The following FNDC3B variants were observed in gnomAD, a reference collection of about 807,000 sequenced individuals.
FNDC3B encodes the protein fibronectin type III domain containing 3B, also known as fibronectin type III domain-containing protein 3B.
In FNDC3B, 12 loss-of-function variants were observed where a neutral mutation model predicts 151.5. The ratio of observed to expected loss-of-function variants is 0.08; its 90% CI spans 0.05 to 0.13. The LOEUF is 0.13. Ranked by LOEUF, FNDC3B falls within the 10% of genes least tolerant of loss-of-function variation. FNDC3B has a pLI of 1.00. For synonymous variants in FNDC3B, 528 were observed against 549.0 expected, an observed-to-expected ratio of 0.96 and a Z score of 0.54; for missense variants, 1,214 against 1,505.3, an observed-to-expected ratio of 0.81 and a Z score of 3.20.
chr3:172,232,696 A>C (rs1241870440), intron 4 of FNDC3B, among the ~76,000 whole-genome samples: 27 of 152,204 alleles, frequency 1.8e-4, no homozygotes. Flanking sequence ...TAATCTTATC[A>C]CAGTCATCAT....
rs542795342 is a variant in FNDC3B at position 172,103,427 on chromosome 3, T to G, written c.-28-9025T>G. 3.4e-3 allele frequency among the ~76,000 whole-genome samples: 522 copies of G among 152,214 alleles called. 5 individuals are homozygous for G. Among genetic ancestry groups the G allele is most frequent in the African/African-American group, 0.012 (498 of 41,536 alleles). ...ACTCATAATCCTTATATATATGGATTTTTCTCCCCGAGAAAATAGTGCTTT... is the reference window on the plus strand; with the variant it reads ...ACTCATAATCCTTATATATATGGATGTTTCTCCCCGAGAAAATAGTGCTTT... On this transcript the variant is annotated intron_variant, in intron 1 of 25. Coordinates refer to ENST00000415807, the MANE Select transcript of FNDC3B (RefSeq NM_022763.4).
chr3:172,067,087 G>C (rs1445990549), intron 1 of FNDC3B, among the ~76,000 whole-genome samples: 2 of 152,158 alleles, frequency 1.3e-5, no homozygotes, highest in African/African-American at 4.8e-5. Flanking sequence ...CTCCTGTGCA[G>C]ATATAAGACT....
In FNDC3B at chr3:172,206,659, C is replaced by CA. The variant is rs57377409; in HGVS notation, c.188-20184dup. Among the ~76,000 whole-genome samples, 96 of 54,510 alleles carry CA rather than the reference C, an allele frequency of 1.8e-3. 1 individual carries two copies. Among genetic ancestry groups the CA allele is most frequent in the East Asian group, 6.4e-3 (10 of 1,568 alleles). The allele number at this position is 54,510 out of a possible 152,430, so 35.8% of individuals were successfully genotyped here. A position where few individuals can be genotyped will look rare whatever the true frequency, so the allele number is the denominator to read the frequency against. ...GGGCAACAAGAGCGAAACTCCATCTCAAAAAAAAAAAAAAAAAAAAAAAAA... is the reference window on the plus strand; with the variant it reads ...GGGCAACAAGAGCGAAACTCCATCTCAAAAAAAAAAAAAAAAAAAAAAAAAA... On this transcript the variant is annotated intron_variant, in intron 3 of 25. Coordinates refer to ENST00000415807, the MANE Select transcript of FNDC3B (RefSeq NM_022763.4).
chr3:172,330,328 C>G, intron 12 of FNDC3B: 1 of 469,212 alleles, frequency 2.1e-6, no homozygotes, highest in East Asian at 3.5e-5. Flanking sequence ...TGTCCTGTGA[C>G]TTGGTGTGTG....
intron 16 of FNDC3B, chr3:172,338,114 G>A (rs1291491052): frequency 6.6e-6 from 1 of 152,228 alleles, no homozygotes; most frequent in African/African-American, 2.4e-5. Flanking sequence ...AAGAGATCAA[G>A]ACCATCCTGG....
At position 172,083,002 on chromosome 3, in the gene FNDC3B, G is replaced by GA. The variant is rs552967609; in HGVS notation, c.-28-29447dup. 1.7e-3 allele frequency among the ~76,000 whole-genome samples: 260 copies of GA among 152,270 alleles called. 1 individual carries two copies. Among genetic ancestry groups the GA allele is most frequent in the African/African-American group, 5.9e-3 (246 of 41,554 alleles). ...TGTGCCTTAGTGATAAAGTACAAAG[G>GA]AAACTAGGCATGCTGTTAGGGTTAG... On this transcript the variant is annotated intron_variant, in intron 1 of 25. Coordinates refer to ENST00000415807, the MANE Select transcript of FNDC3B (RefSeq NM_022763.4).
At chr3:172,217,880 T>C (rs981951636) in intron 3 of FNDC3B, among the ~76,000 whole-genome samples, 4 of 152,242 alleles carry the variant, frequency 2.6e-5, no homozygotes, top group Non-Finnish European at 5.9e-5. Context: ...CAAGACAGAA[T>C]TGTTCACTAA....
chr3:172,387,321 C>G (rs924233030), intron 25 of FNDC3B, among the ~76,000 whole-genome samples: 1 of 152,132 alleles, frequency 6.6e-6, no homozygotes, highest in East Asian at 1.9e-4. Flanking sequence ...TGGTCTCCAA[C>G]TCCTAACCTC....
intron 4 of FNDC3B, among the ~76,000 whole-genome samples, chr3:172,246,092 T>C (rs1428479219): frequency 1.3e-5 from 2 of 152,222 alleles, no homozygotes; most frequent in Non-Finnish European, 2.9e-5. Flanking sequence ...GTTTTAGACA[T>C]GATTAAGTCA....
At chr3:172,095,367 G>A (rs1719045320) in intron 1 of FNDC3B, among the ~76,000 whole-genome samples, 1 of 152,186 alleles carries the variant, frequency 6.6e-6, no homozygotes, top group Non-Finnish European at 1.5e-5. Context: ...ACTGAAAATA[G>A]CTTCTAGGAG....
In FNDC3B at chr3:172,347,353, A is replaced by G; in HGVS notation, c.2506A>G (p.Arg836Gly). The change falls in exon 21 of 26, where the codon AGA becomes GGA. Residue 836 changes from arginine to glycine, a missense_variant. Coordinates refer to ENST00000415807, the MANE Select transcript of FNDC3B (RefSeq NM_022763.4). Reference protein sequence around the residue: ...DLLPAAQYCCRLQAFNQAGAG... With the variant: ...DLLPAAQYCCGLQAFNQAGAG... ...GTTGCCTGCTGCACAGTATTGCTGT[A>G]GACTACAGGTAGGTTGACATTATTC... is the stretch of plus-strand genomic sequence containing the variant. The G allele has an allele frequency of 6.2e-7, 1 of 1,612,756 alleles. No individual in the cohort carries two copies. Among genetic ancestry groups the G allele is most frequent in the Non-Finnish European group, 8.5e-7 (1 of 1,179,302 alleles).
At chr3:172,235,493 A>C (rs1560031824) in intron 4 of FNDC3B, among the ~76,000 whole-genome samples, 2 of 152,176 alleles carry the variant, frequency 1.3e-5, no homozygotes, top group East Asian at 3.9e-4. Flanking sequence ...TTTGAAACTT[A>C]GAACCATAGC....
intron 1 of FNDC3B, among the ~76,000 whole-genome samples, chr3:172,077,161 TAAAA>T (rs536068939): frequency 6.6e-6 from 1 of 151,754 alleles, no homozygotes; most frequent in Non-Finnish European, 1.5e-5. Flanking sequence ...TTAAAAAAAA[TAAAA>T]AAAAGTGTTT....
At chr3:172,200,182 T>C (rs1003608365) in intron 3 of FNDC3B, among the ~76,000 whole-genome samples, 1 of 152,166 alleles carries the variant, frequency 6.6e-6, no homozygotes, top group East Asian at 1.9e-4. Flanking sequence ...CTGGACAGTT[T>C]AGACACACCA....
chr3:172,344,220 G>A lies in FNDC3B; in HGVS notation c.2212G>A (p.Val738Met), dbSNP rs376295496. The change falls in exon 19 of 26, where the codon GTG (valine) becomes ATG (methionine). Residue 738 changes from valine (V) to methionine (M), a missense_variant. Transcript: ENST00000415807. ...CTVGNLLPGT[V>M]YRFRVRALND... ...CGTCGGCAACCTGCTTCCTGGAACCGTGTATCGCTTCCGGGTGAGGGCTCT... is the reference window on the plus strand; with the variant it reads ...CGTCGGCAACCTGCTTCCTGGAACCATGTATCGCTTCCGGGTGAGGGCTCT... 237 of 1,613,918 alleles carry A rather than the reference G, an allele frequency of 1.5e-4. No individual in the cohort carries two copies. Among genetic ancestry groups the A allele is most frequent in the African/African-American group, 2.3e-4 (17 of 74,912 alleles).
At chr3:172,340,889 G>T (rs1459490452) in intron 16 of FNDC3B, among the ~76,000 whole-genome samples, 1 of 152,054 alleles carries the variant, frequency 6.6e-6, no homozygotes, top group South Asian at 2.1e-4. Flanking sequence ...ATGTAATTGT[G>T]GTGATAATAG....
chr3:172,144,307 C>G (rs1721791206), intron 3 of FNDC3B, among the ~76,000 whole-genome samples: 3 of 152,124 alleles, frequency 2.0e-5, no homozygotes, highest in African/African-American at 7.2e-5. Context: ...CAGTCACCTC[C>G]CAGCAGGCCC....
intron 21 of FNDC3B, among the ~76,000 whole-genome samples, chr3:172,351,895 G>A (rs1268934589): frequency 1.3e-5 from 2 of 152,178 alleles, no homozygotes; most frequent in Non-Finnish European, 2.9e-5. Context: ...AGTTTGAGAT[G>A]CCTGTTGGAC....
chr3:172,141,464 T>C (rs544561311), intron 3 of FNDC3B, among the ~76,000 whole-genome samples: 1 of 152,256 alleles, frequency 6.6e-6, no homozygotes, highest in Non-Finnish European at 1.5e-5. Context: ...AGCAGCTATA[T>C]TCAGAGAAGG....
Sources: gnomAD v4.1 joint callset for allele counts (sites outside exome capture counted in the v4.1 genomes callset) on GRCh38, gnomAD v4.1.1 for gene constraint, MANE v1.5 for transcripts, NCBI Gene and HGNC (gene_info 2026-07-23, HGNC 2026-07-21) for gene names.